MYO16: variants seen among roughly 807,000 people sequenced by gnomAD.
MYO16 encodes unconventional myosin-XVI.
Under a neutral mutation model 205.3 loss-of-function variants are expected in MYO16, and 94 were observed. The observed-to-expected ratio is 0.46, with a 90% confidence interval of 0.39 to 0.54. The LOEUF is 0.54. Ranked by LOEUF, MYO16 falls within the 20% of genes least tolerant of loss-of-function variation. MYO16 has a pLI of 0.00. For synonymous variants in MYO16, 988 were observed against 954.0 expected (o/e 1.04, Z -0.66); for missense variants, 2,315 against 2,387.5 (o/e 0.97, Z 0.63).
At chr13:108,624,157 T>C (rs188140894) in intron 1 of MYO16, among the ~76,000 whole-genome samples, 2 of 152,302 alleles carry the variant, frequency 1.3e-5, no homozygotes, top group African/African-American at 4.8e-5. Context: ...CTTTCATCCT[T>C]TTTGGGAAAA....
At chr13:108,859,671 C>G (rs1341199662) in intron 11 of MYO16, among the ~76,000 whole-genome samples, 1 of 152,150 alleles carries the variant, frequency 6.6e-6, no homozygotes, top group Non-Finnish European at 1.5e-5. Flanking sequence ...GCACAGAATA[C>G]AAGCGTTGCA....
chr13:108,716,244 A>G (rs1436905900), intron 3 of MYO16, among the ~76,000 whole-genome samples: 1 of 152,234 alleles, frequency 6.6e-6, no homozygotes, highest in African/African-American at 2.4e-5. Context: ...AACAGTATAC[A>G]GAGTATAATC....
At chr13:108,728,644 C>T (rs184301734) in intron 4 of MYO16, among the ~76,000 whole-genome samples, 1 of 152,334 alleles carries the variant, frequency 6.6e-6, no homozygotes, top group East Asian at 1.9e-4. Flanking sequence ...CAGCACATGA[C>T]TTTCTTCTGT....
At chr13:108,708,609 A>G (rs550158409) in intron 2 of MYO16, among the ~76,000 whole-genome samples, 2 of 152,298 alleles carry the variant, frequency 1.3e-5, no homozygotes, top group South Asian at 4.1e-4. Context: ...ACAGGAACAG[A>G]ATTGAGAACG....
intron 16 of MYO16, among the ~76,000 whole-genome samples, chr13:108,914,004 GTC>G (rs1430648317): frequency 6.6e-6 from 1 of 152,062 alleles, no homozygotes; most frequent in African/African-American, 2.4e-5. Flanking sequence ...CATCCCTGGA[GTC>G]TCTCTGAATC....
At chr13:108,587,957 A>AT in the MYO16 span, among the ~76,000 whole-genome samples, 6 of 152,104 alleles carry the variant, frequency 3.9e-5, no homozygotes, top group Middle Eastern at 3.2e-3. Context: ...CCAAAATAAT[A>AT]TTTTTTTCTG....
intron 34 of MYO16, among the ~76,000 whole-genome samples, chr13:109,198,636 A>T (rs1195771090): frequency 1.3e-5 from 2 of 152,218 alleles, no homozygotes; most frequent in Non-Finnish European, 2.9e-5. Context: ...CAGGATAATC[A>T]TAATTCAGCA....
the MYO16 span, among the ~76,000 whole-genome samples, chr13:108,563,274 A>C: frequency 1.3e-5 from 2 of 152,192 alleles, no homozygotes; most frequent in East Asian, 3.9e-4. Flanking sequence ...GCATATAATC[A>C]TGTCATGGAA....
chr13:108,593,779 G>A (rs74426604), upstream of MYO16, among the ~76,000 whole-genome samples: 4,950 of 152,140 alleles, frequency 0.033, 181 homozygotes, highest in African/African-American at 0.094. Context: ...TGATGAAGTC[G>A]CACTTAGAGT....
At chr13:108,958,329 A>C (rs2139359467) in intron 17 of MYO16, among the ~76,000 whole-genome samples, 1 of 151,294 alleles carries the variant, frequency 6.6e-6, no homozygotes, top group South Asian at 2.1e-4. Flanking sequence ...AAAACTGGTA[A>C]ACCTGAAGTA....
chr13:109,058,383 A>G (rs1207682413), intron 27 of MYO16, among the ~76,000 whole-genome samples: 1 of 152,134 alleles, frequency 6.6e-6, no homozygotes, highest in East Asian at 1.9e-4. Flanking sequence ...TTTCAGAAGC[A>G]CTATCCAGGC....
intron 20 of MYO16, among the ~76,000 whole-genome samples, chr13:108,970,399 G>T (rs184815914): frequency 2.0e-5 from 3 of 152,164 alleles, no homozygotes; most frequent in South Asian, 2.1e-4. Context: ...ATCAGGTCCC[G>T]AGACTTTTCT....
chr13:108,816,779 C>T (rs1166752563), intron 7 of MYO16, among the ~76,000 whole-genome samples: 16 of 152,190 alleles, frequency 1.1e-4, no homozygotes, highest in Non-Finnish European at 1.2e-4. Flanking sequence ...AATATGCCCT[C>T]CTGAACACCA....
At chr13:108,581,907 A>C in the MYO16 span, among the ~76,000 whole-genome samples, 2 of 151,304 alleles carry the variant, frequency 1.3e-5, no homozygotes, top group African/African-American at 4.9e-5. Context: ...AAAAAAAAAG[A>C]AAAAGAAAAA....
At chr13:108,595,826 A>G (rs1878536377), upstream of MYO16, among the ~76,000 whole-genome samples, 2 of 151,358 alleles carry the variant, frequency 1.3e-5, no homozygotes, top group Admixed American at 1.3e-4. Flanking sequence ...GAGTGGTTTT[A>G]CAGAAAAAAA....
At chr13:109,092,588 G>A (rs1449851164) in intron 27 of MYO16, among the ~76,000 whole-genome samples, 1 of 152,206 alleles carries the variant, frequency 6.6e-6, no homozygotes, top group Non-Finnish European at 1.5e-5. Context: ...AAGGTGGGAA[G>A]AGGGAGAGGA....
intron 34 of MYO16, among the ~76,000 whole-genome samples, chr13:109,203,246 C>A (rs1880469160): frequency 6.6e-6 from 1 of 152,194 alleles, no homozygotes; most frequent in Non-Finnish European, 1.5e-5. Context: ...GAATAGTCAG[C>A]AGCATAAACA....
At chr13:108,649,081 G>C (rs893033077) in intron 1 of MYO16, among the ~76,000 whole-genome samples, 1 of 150,572 alleles carries the variant, frequency 6.6e-6, no homozygotes, top group African/African-American at 2.4e-5. Flanking sequence ...TTGTGGGATG[G>C]GGGGAGGGGG....
chr13:108,810,970 T>C (rs1887273688), intron 7 of MYO16, among the ~76,000 whole-genome samples: 1 of 152,324 alleles, frequency 6.6e-6, no homozygotes, highest in Non-Finnish European at 1.5e-5. Flanking sequence ...AACTAGGAAC[T>C]GAATAAATTA....
Sources: allele counts gnomAD v4.1 joint callset (sites outside exome capture counted in the v4.1 genomes callset), GRCh38; gene constraint gnomAD v4.1.1; transcripts MANE v1.5; gene names NCBI Gene and HGNC (gene_info 2026-07-23, HGNC 2026-07-21).